Variants in EMC8 observed in about 807,000 individuals in gnomAD.
EMC8 encodes ER membrane protein complex subunit 8, also known as COX4 neighbor.
In EMC8, 11 loss-of-function variants were observed where a neutral mutation model predicts 24.3. The ratio of observed to expected loss-of-function variants is 0.45; its 90% CI spans 0.28 to 0.75. The LOEUF is 0.75. Among genes scored for constraint, EMC8 ranks in the 30% least tolerant of loss-of-function variants. The pLI is 0.12. For synonymous variants in EMC8, 145 were observed against 117.7 expected, an observed-to-expected ratio of 1.23 and a Z score of -1.50; for missense variants, 277 against 282.7, an observed-to-expected ratio of 0.98 and a Z score of 0.14.
chr16:85,785,608 A>T (rs754241747), intron 2 of EMC8, among the ~76,000 whole-genome samples: 4 of 152,210 alleles, frequency 2.6e-5, no homozygotes, highest in Admixed American at 6.5e-5. Flanking sequence ...TGTGTAGTTA[A>T]TGAACTGTCA....
At chr16:85,784,144 G>A (rs1309916618) in intron 2 of EMC8, among the ~76,000 whole-genome samples, 2 of 147,406 alleles carry the variant, frequency 1.4e-5, no homozygotes, top group Admixed American at 6.7e-5. Flanking sequence ...GACTACAGGC[G>A]CCCGCCACCA....
chr16:85,781,123 T>G, intron 3 of EMC8, 88 bp downstream of exon 3: 1 of 879,412 alleles, frequency 1.1e-6, no homozygotes, highest in Non-Finnish European at 1.9e-6. Flanking sequence ...GTGAAGGGGT[T>G]AGCGGAAAGG....
chr16:85,783,154 C>T (rs1015895056), intron 2 of EMC8, among the ~76,000 whole-genome samples: 1 of 152,242 alleles, frequency 6.6e-6, no homozygotes, highest in Admixed American at 6.5e-5. Context: ...AATATAAAAA[C>T]TAGCTGGGTG....
chr16:85,798,289 G>A (rs1401897035), intron 1 of EMC8, among the ~76,000 whole-genome samples: 1 of 151,522 alleles, frequency 6.6e-6, no homozygotes, highest in Non-Finnish European at 1.5e-5. Context: ...GCCCGGCTAA[G>A]TTTTGTATTT....
rs766193195 is a variant in EMC8 at position 85,779,663 on chromosome 16, T to A, written c.*45A>T. 2 of 1,588,472 alleles carry A rather than the reference T, an allele frequency of 1.3e-6. No individual in the cohort carries two copies. Among genetic ancestry groups the A allele is most frequent in the African/African-American group, 2.7e-5 (2 of 74,302 alleles). On this transcript the variant is annotated 3_prime_UTR_variant, in exon 5 of 5. Transcript: ENST00000253457. Reference sequence around the variant, plus strand: ...TACATTTAAAAATAGGTTTTCTTCTTCAACGTAGTGGAAAGGCCCGGAGCC... The same window carrying A: ...TACATTTAAAAATAGGTTTTCTTCTACAACGTAGTGGAAAGGCCCGGAGCC...
chr16:85,779,602 G>A lies in EMC8; in HGVS notation c.*106C>T, dbSNP rs1224174713. 4 of 1,205,496 alleles carry A rather than the reference G, an allele frequency of 3.3e-6. No homozygotes were observed. The highest frequency in any genetic ancestry group is 2.4e-6 in the Non-Finnish European group (2 of 837,866). The allele number at this position is 1,205,496 out of a possible 1,614,324, so 74.7% of individuals were successfully genotyped here. A position where few individuals can be genotyped will look rare whatever the true frequency, so the allele number is the denominator to read the frequency against. On this transcript the variant is annotated 3_prime_UTR_variant, in exon 5 of 5. Coordinates refer to ENST00000253457, the MANE Select transcript of EMC8 (RefSeq NM_006067.5). ...CAAGGCACATGCCACTTCTTAAAAC[G>A]GTCAGCTTTCCACACAGGCTACAAG... is the stretch of plus-strand genomic sequence containing the variant.
chr16:85,780,884 T>G (rs995258557), intron 3 of EMC8: 91 of 458,192 alleles, frequency 2.0e-4, no homozygotes, highest in Non-Finnish European at 2.8e-4. Flanking sequence ...AGAAGGTGTC[T>G]TAACATGGAC....
Position 85,786,072 on chromosome 16 carries a change from T to C in EMC8, c.308+2902A>G, listed in dbSNP as rs182890366. On this transcript the variant is annotated intron_variant, in intron 2 of 4. Coordinates refer to ENST00000253457, the MANE Select transcript of EMC8 (RefSeq NM_006067.5). ...ATAGAAAAAGTCATCACAGCACTAG[T>C]AACAGCACCAGCCACTACTGTAAAC... Among the ~76,000 whole-genome samples the C allele has an allele frequency of 1.2e-4, 18 of 152,288 alleles. No homozygotes were observed. The East Asian group carries it at 3.3e-3, about 28-fold the overall frequency.
In EMC8 at chr16:85,781,159, T is replaced by G. The variant is rs1243847192; in HGVS notation, c.378+52A>C. 3.1e-5 allele frequency: 40 copies of G among 1,303,686 alleles called. 2 individuals are homozygous for G. The African/African-American group carries it at 3.6e-4, about 12-fold the overall frequency. The allele number at this position is 1,303,686 out of a possible 1,614,324, so 80.8% of individuals were successfully genotyped here. ...AAACCGCCGCAGAGCAAGCTCCAGG[T>G]TGGTGAGAGGAGGCGCAAGGGCCTC... On this transcript the variant is annotated intron_variant, in intron 3 of 4. Transcript: ENST00000253457.
Position 85,799,018 on chromosome 16 carries a change from G to C in EMC8, c.231+47C>G, listed in dbSNP as rs1597212172. ...GCCAGCTTCCTCTCTGCTGACTGAG[G>C]GGAGGCCAGGCTGCCTGCAAGGGGA... On this transcript the variant is annotated intron_variant, in intron 1 of 4. Transcript: ENST00000253457. The surrounding 1 kb of genome is among the most constrained non-coding windows in gnomAD (Gnocchi z 4.2). The C allele has an allele frequency of 2.3e-6, 3 of 1,314,490 alleles. No homozygotes were observed. The South Asian group carries it at 4.0e-5, about 18-fold the overall frequency. The allele number at this position is 1,314,490 out of a possible 1,614,324, so 81.4% of individuals were successfully genotyped here. A position where few individuals can be genotyped will look rare whatever the true frequency, so the allele number is the denominator to read the frequency against.
intron 2 of EMC8, among the ~76,000 whole-genome samples, chr16:85,787,918 G>A (rs1904826223): frequency 6.6e-6 from 1 of 152,200 alleles, no homozygotes; most frequent in African/African-American, 2.4e-5. Context: ...TAGCAATGCT[G>A]TCACCAGCTT....
In EMC8 at chr16:85,779,822, C is replaced by T. The variant is rs775481295; in HGVS notation, c.519G>A (p.Ser173=). ...DWPEAQRISA[S]LLDSRSYETL... is the part of the protein sequence containing the mutation. The stretch of plus-strand genomic sequence containing the variant: ...TCTCGTAGGACCGGCTGTCCAGGAG[C>T]GAGGCTGAGATCCTCTGTGCCTCTG... The change falls in exon 5 of 5, where the codon TCG becomes TCA. Residue 173 remains serine, a synonymous_variant. Coordinates refer to ENST00000253457, the MANE Select transcript of EMC8 (RefSeq NM_006067.5). 1.4e-5 allele frequency: 23 copies of T among 1,614,046 alleles called. No individual in the cohort carries two copies. The highest frequency in any genetic ancestry group is 2.2e-5 in the East Asian group (1 of 44,880).
intron 1 of EMC8, among the ~76,000 whole-genome samples, chr16:85,795,304 G>A (rs962877126): frequency 5.3e-5 from 8 of 152,192 alleles, no homozygotes; most frequent in African/African-American, 1.7e-4. Flanking sequence ...CTCCTGGGCT[G>A]GTCCTCAGTT....
At chr16:85,793,076 G>A (rs1905084655) in intron 1 of EMC8, 1 of 152,232 alleles carries the variant, frequency 6.6e-6, no homozygotes, top group South Asian at 2.1e-4. Flanking sequence ...TCTGCTCAAT[G>A]TCCTTTTTGG....
At chr16:85,790,402 G>A (rs186527203) in intron 1 of EMC8, among the ~76,000 whole-genome samples, 1 of 152,046 alleles carries the variant, frequency 6.6e-6, no homozygotes, top group Non-Finnish European at 1.5e-5. Flanking sequence ...AGACATTCTG[G>A]TCATCCACCC....
chr16:85,781,224 G>A lies in EMC8; in HGVS notation c.365C>T (p.Thr122Ile). The change falls in exon 3 of 5, where the codon ACT (threonine) becomes ATT (isoleucine). Residue 122 changes from threonine (T) to isoleucine (I), a missense_variant. Physicochemically the swap from Thr to Ile is moderately conservative, Grantham distance 89 (BLOSUM62 -1). Coordinates refer to ENST00000253457, the MANE Select transcript of EMC8 (RefSeq NM_006067.5). ...GAAGCGACTTACCATGATGAGCGCA[G>A]TGTCGCTGAAGCCCTCGGCGATTCT... The part of the protein sequence containing the change: ...ASRIAEGFSD[T>I]ALIMVDNTKF... 1.2e-6 allele frequency: 2 copies of A among 1,613,582 alleles called. No homozygotes were observed. Among genetic ancestry groups the A allele is most frequent in the East Asian group, 2.2e-5 (1 of 44,884 alleles).
intron 1 of EMC8, among the ~76,000 whole-genome samples, chr16:85,791,282 C>T (rs76327183): frequency 0.011 from 1,695 of 152,166 alleles, 6 homozygotes; most frequent in Non-Finnish European, 0.018. Flanking sequence ...TGAAATAAAC[C>T]GTACTTGATT....
intron 1 of EMC8, among the ~76,000 whole-genome samples, chr16:85,794,668 G>T (rs980976254): frequency 1.1e-4 from 17 of 152,192 alleles, no homozygotes; most frequent in African/African-American, 3.1e-4. Flanking sequence ...CAGCCTGGGT[G>T]ACAGAGTGAG....
rs1291392979 is a variant in EMC8, at chr16:85,778,737, T to C, written c.*971A>G. 6.6e-6 allele frequency: 1 copy of C among 152,164 alleles called. No individual in the cohort carries two copies. Among genetic ancestry groups the C allele is most frequent in the Non-Finnish European group, 1.5e-5 (1 of 68,022 alleles). The allele number at this position is 152,164 out of a possible 1,614,324, so 9.4% of individuals were successfully genotyped here. ...AAACCCTTTCAGGTCACACCGATCGTTACAAATTCCTCCATGGAGTCAAAG... is the reference window on the plus strand; with the variant it reads ...AAACCCTTTCAGGTCACACCGATCGCTACAAATTCCTCCATGGAGTCAAAG... On this transcript the variant is annotated 3_prime_UTR_variant, in exon 5 of 5. Coordinates refer to ENST00000253457, the MANE Select transcript of EMC8 (RefSeq NM_006067.5).
Sources: allele counts gnomAD v4.1 joint callset (sites outside exome capture counted in the v4.1 genomes callset), GRCh38; gene constraint gnomAD v4.1.1; non-coding constraint Gnocchi (gnomAD v3.1); transcripts MANE v1.5; gene names NCBI Gene and HGNC (gene_info 2026-07-23, HGNC 2026-07-21).